Variants in PRKG1 observed in about 807,000 individuals in gnomAD.
PRKG1 encodes the protein cGMP-dependent protein kinase 1.
PRKG1 carries 35 observed loss-of-function variants against 88.1 expected under a neutral mutation model. That is an observed-to-expected ratio of 0.40 (90% CI 0.30 to 0.53). The LOEUF is 0.53. Ranked by LOEUF, PRKG1 falls within the 20% of genes least tolerant of loss-of-function variation. The pLI is 0.59. For missense variants in PRKG1, 540 were observed against 839.8 expected (o/e 0.64, Z 4.41); for synonymous variants, 303 against 292.5 (o/e 1.04, Z -0.37).
At chr10:51,484,627 A>G (rs1205942811) in intron 3 of PRKG1, among the ~76,000 whole-genome samples, 4 of 152,060 alleles carry the variant, frequency 2.6e-5, no homozygotes, top group Non-Finnish European at 5.9e-5. Context: ...GTTTCAATCA[A>G]AGTTTTATTG....
In PRKG1 at chr10:52,133,950, A is replaced by C. The variant is rs752854365; in HGVS notation, c.1001+45A>C. The stretch of plus-strand genomic sequence containing the variant: ...ATGTGAATTACACACTCATATCAGC[A>C]ACACACATGAGTTCTTGGAATTAGA... On this transcript the variant is annotated intron_variant, in intron 8 of 17. Coordinates refer to ENST00000373980, the MANE Select transcript of PRKG1 (RefSeq NM_006258.4). 12 of 1,440,068 alleles carry C rather than the reference A, an allele frequency of 8.3e-6. No individual in the cohort carries two copies. In the African/African-American group the frequency reaches 1.5e-4, roughly 19 times the overall value. The allele number at this position is 1,440,068 out of a possible 1,614,324, so 89.2% of individuals were successfully genotyped here.
At chr10:52,251,852 CA>C (rs1841180388) in intron 10 of PRKG1, 186 bp downstream of exon 10, 1 of 506,474 alleles carries the variant, frequency 2.0e-6, no homozygotes, top group Non-Finnish European at 3.5e-6. Context: ...CTAAATTATG[CA>C]GTCAACGACT....
chr10:51,207,045 T>C (rs1003416693), intron 2 of PRKG1, among the ~76,000 whole-genome samples: 6 of 152,194 alleles, frequency 3.9e-5, no homozygotes, highest in African/African-American at 1.4e-4. Flanking sequence ...TTGGTACATT[T>C]TATGAAGAAC....
At chr10:52,259,317 C>T (rs1213496370) in intron 10 of PRKG1, among the ~76,000 whole-genome samples, 1 of 151,996 alleles carries the variant, frequency 6.6e-6, no homozygotes, top group East Asian at 1.9e-4. Context: ...TACCACAGTG[C>T]AGTCTGCATT....
At chr10:52,183,888 T>C (rs1229199475) in intron 9 of PRKG1, among the ~76,000 whole-genome samples, 1 of 152,252 alleles carries the variant, frequency 6.6e-6, no homozygotes, top group African/African-American at 2.4e-5. Context: ...TTATCCTTAT[T>C]TGTGATGGCA....
intron 3 of PRKG1, among the ~76,000 whole-genome samples, chr10:51,743,737 A>AATATATATATAT (rs369411662): frequency 1.2e-3 from 50 of 40,262 alleles, no homozygotes; most frequent in Non-Finnish European, 2.0e-3. Flanking sequence ...ATATAAACTA[A>AATATATATATAT]ATATATATAT....
At chr10:51,699,891 C>T (rs1408118447) in intron 3 of PRKG1, among the ~76,000 whole-genome samples, 1 of 152,200 alleles carries the variant, frequency 6.6e-6, no homozygotes, top group Non-Finnish European at 1.5e-5. Flanking sequence ...TAGACTTCAC[C>T]GTAGTAACTG....
In PRKG1 at chr10:52,155,732, G is replaced by GACAC. The variant is rs146109771; in HGVS notation, c.1002-6136_1002-6133dup. 1.7e-3 allele frequency among the ~76,000 whole-genome samples: 254 copies of GACAC among 147,894 alleles called. 3 individuals carry two copies. The East Asian group carries it at 0.03, about 18-fold the overall frequency. On this transcript the variant is annotated intron_variant, in intron 8 of 17. Coordinates refer to ENST00000373980, the MANE Select transcript of PRKG1 (RefSeq NM_006258.4). ...TCAATTTGTTAACCTATTGCCATTG[G>GACAC]ACACACACACACACACACACACACG...
chr10:51,692,628 G>C (rs535594542), intron 3 of PRKG1, among the ~76,000 whole-genome samples: 1 of 151,972 alleles, frequency 6.6e-6, no homozygotes, highest in East Asian at 1.9e-4. Context: ...TGTGTACATC[G>C]CCATACTCAG....
At chr10:51,022,643 A>T (rs1005169939) in intron 1 of PRKG1, among the ~76,000 whole-genome samples, 1 of 152,192 alleles carries the variant, frequency 6.6e-6, no homozygotes, top group Non-Finnish European at 1.5e-5. Context: ...TGAACACAAT[A>T]TAGGAAGAAC....
intron 7 of PRKG1, among the ~76,000 whole-genome samples, chr10:52,101,216 A>C (rs1847285535): frequency 6.6e-6 from 1 of 152,212 alleles, no homozygotes. Flanking sequence ...TTATTATGAC[A>C]ACAAAATACA....
chr10:51,655,287 C>A (rs1346022162), intron 3 of PRKG1, among the ~76,000 whole-genome samples: 2 of 152,006 alleles, frequency 1.3e-5, no homozygotes, highest in Admixed American at 1.3e-4. Context: ...TAAAAATATA[C>A]TGGTTATACA....
intron 2 of PRKG1, among the ~76,000 whole-genome samples, chr10:51,292,254 C>T (rs1356626280): frequency 1.3e-5 from 2 of 152,166 alleles, no homozygotes; most frequent in African/African-American, 4.8e-5. Flanking sequence ...CTGGGTTTAA[C>T]ATCTTCCATA....
rs1197789935 is a variant in PRKG1, at chr10:51,166,296, G to T, written c.478+12966G>T. Among the ~76,000 whole-genome samples the T allele has an allele frequency of 2.0e-5, 3 of 151,678 alleles. No homozygotes were observed. In the East Asian group the frequency reaches 5.8e-4, roughly 29 times the overall value. On this transcript the variant is annotated intron_variant, in intron 2 of 17. Coordinates refer to ENST00000373980, the MANE Select transcript of PRKG1 (RefSeq NM_006258.4). ...TATTGACTCATCCTTTTGGAAATAT[G>T]CACGTGCAAATGTTTATACTTTGTG...
chr10:51,295,933 A>G (rs1359305471), intron 2 of PRKG1, among the ~76,000 whole-genome samples: 1 of 152,084 alleles, frequency 6.6e-6, no homozygotes, highest in Non-Finnish European at 1.5e-5. Context: ...TGAGATGATC[A>G]TATTGTTTTT....
chr10:52,117,690 T>G (rs1847721704), intron 7 of PRKG1, among the ~76,000 whole-genome samples: 2 of 152,080 alleles, frequency 1.3e-5, no homozygotes, highest in Admixed American at 1.3e-4. Context: ...ATATAAAATT[T>G]AAAAGCTACA....
At chr10:51,516,429 G>GA (rs1024746166) in intron 3 of PRKG1, among the ~76,000 whole-genome samples, 51 of 147,692 alleles carry the variant, frequency 3.5e-4, no homozygotes, top group Admixed American at 9.5e-4. Context: ...CATTCAATTG[G>GA]AAAAAAAAAA....
intron 1 of PRKG1, among the ~76,000 whole-genome samples, chr10:51,085,359 C>A (rs561599395): frequency 6.6e-6 from 1 of 152,102 alleles, no homozygotes; most frequent in South Asian, 2.1e-4. Flanking sequence ...TATTAAACAT[C>A]TGAAAGTGAC....
intron 7 of PRKG1, among the ~76,000 whole-genome samples, chr10:52,109,090 T>C (rs1005125179): frequency 2.0e-5 from 3 of 152,078 alleles, no homozygotes; most frequent in Non-Finnish European, 4.4e-5. Context: ...CCTCCCAAAG[T>C]GCTGGGATTA....
Sources: gnomAD v4.1 joint callset for allele counts (sites outside exome capture counted in the v4.1 genomes callset) on GRCh38, gnomAD v4.1.1 for gene constraint, MANE v1.5 for transcripts, NCBI Gene and HGNC (gene_info 2026-07-23, HGNC 2026-07-21) for gene names.